The following FAM149A variants were observed in gnomAD, a reference collection of about 807,000 sequenced individuals.
FAM149A encodes family with sequence similarity 149 member A.
A neutral mutation model predicts 78.2 loss-of-function variants in FAM149A; 71 were observed. The ratio of observed to expected loss-of-function variants is 0.91; its 90% CI spans 0.75 to 1.11. The LOEUF is 1.11. FAM149A is among the 50% of genes least tolerant of loss of function. FAM149A has a pLI of 0.00. For missense variants in FAM149A, 1,036 were observed against 971.0 expected, an observed-to-expected ratio of 1.07 and a Z score of -0.89; for synonymous variants, 446 against 410.5, an observed-to-expected ratio of 1.09 and a Z score of -1.04.
chr4:186,157,808 A>C (rs1342282875), intron 8 of FAM149A, 89 bp downstream of exon 8: 29 of 1,563,212 alleles, frequency 1.9e-5, no homozygotes, highest in Non-Finnish European at 2.5e-5. Context: ...CAGTACTGAG[A>C]TATTTGGGGC....
At chr4:186,117,839 C>T (rs1304650043) in intron 1 of FAM149A, 1 of 909,600 alleles carries the variant, frequency 1.1e-6, no homozygotes, top group Non-Finnish European at 1.3e-6. Context: ...GGAATGAACA[C>T]AGTGAAAAGA....
At chr4:186,117,735 G>A in intron 1 of FAM149A, 1 of 898,516 alleles carries the variant, frequency 1.1e-6, no homozygotes, top group Non-Finnish European at 1.3e-6. Flanking sequence ...GTAGAGAAGT[G>A]GCAGGAGCAG....
chr4:186,154,942 C>G (rs999583581), intron 6 of FAM149A: 1 of 984,292 alleles, frequency 1.0e-6, no homozygotes, highest in Non-Finnish European at 1.2e-6. Flanking sequence ...GAGTTCCTGC[C>G]TCTGTACTAA....
chr4:186,138,726 G>A (rs557814679), intron 1 of FAM149A, among the ~76,000 whole-genome samples: 4 of 152,180 alleles, frequency 2.6e-5, no homozygotes, highest in Non-Finnish European at 2.9e-5. Context: ...ATGGGTTTGG[G>A]GGGGAAGGCC....
At chr4:186,107,057 C>T (rs1024830239) in intron 1 of FAM149A, among the ~76,000 whole-genome samples, 2 of 152,206 alleles carry the variant, frequency 1.3e-5, no homozygotes, top group African/African-American at 2.4e-5. Flanking sequence ...ATAGTTTTCC[C>T]TATCAGTTAA....
At position 186,152,539 on chromosome 4, in the gene FAM149A, C is replaced by CTTTTTTTTT. The variant is rs10718602; in HGVS notation, c.932+509_932+517dup. Among the ~76,000 whole-genome samples the CTTTTTTTTT allele has an allele frequency of 1.3e-3, 112 of 88,276 alleles. 1 individual carries two copies. Among genetic ancestry groups the CTTTTTTTTT allele is most frequent in the African/African-American group, 1.4e-3 (29 of 21,018 alleles). The allele number at this position is 88,276 out of a possible 152,430, so 57.9% of individuals were successfully genotyped here. On this transcript the variant is annotated intron_variant, in intron 4 of 13. Transcript: ENST00000389354. Reference sequence around the variant, plus strand: ...AAGGCAAGCTTTTCTTTTCTTTTTGCTTTTTTTTTTTTTTTTTTTTTTTGA... The same window carrying CTTTTTTTTT: ...AAGGCAAGCTTTTCTTTTCTTTTTGCTTTTTTTTTTTTTTTTTTTTTTTTTTTTTTTTGA...
intron 1 of FAM149A, chr4:186,125,231 C>A (rs2126315715): frequency 1.0e-6 from 1 of 983,262 alleles, no homozygotes; most frequent in African/African-American, 1.7e-5. Flanking sequence ...AGTACTTTTT[C>A]TCTAAGTAAT....
rs981206233 is a variant in FAM149A at position 186,105,198 on chromosome 4, G to A, written c.122G>A (p.Gly41Asp). 15 of 1,270,192 alleles carry A rather than the reference G, an allele frequency of 1.2e-5. No homozygotes were observed. In the African/African-American group the frequency reaches 1.3e-4, roughly 11 times the overall value. The allele number at this position is 1,270,192 out of a possible 1,614,324, so 78.7% of individuals were successfully genotyped here. ...GGTGCTGCCGCTGCAGGGTCGGGGG[G>A]CTCCAGGGCGGGCACCCCGTTGGGT... Residue 41 changes from glycine (G) to aspartate (D), a missense_variant, in exon 1 of 14, where the codon GGC becomes GAC. Coordinates refer to ENST00000389354, the MANE Select transcript of FAM149A (RefSeq NM_001367768.3).
chr4:186,160,332 CCA>C lies in FAM149A; in HGVS notation c.1576-2506_1576-2505del, dbSNP rs779638039. Among the ~76,000 whole-genome samples the C allele has an allele frequency of 9.0e-4, 125 of 138,212 alleles. No homozygotes were observed. In the Middle Eastern group the frequency reaches 0.023, roughly 26 times the overall value. The allele number at this position is 138,212 out of a possible 152,430, so 90.7% of individuals were successfully genotyped here. ...AAACACACCACACACCAAACACACA[CCA>C]CACACAAACACACCACACACACAGA... On this transcript the variant is annotated intron_variant, in intron 8 of 13. Transcript: ENST00000389354.
At position 186,149,209 on chromosome 4, in the gene FAM149A, T is replaced by C; in HGVS notation, c.603T>C (p.Phe201=). The C allele has an allele frequency of 1.6e-6, 2 of 1,288,670 alleles. No individual in the cohort carries two copies. Among genetic ancestry groups the C allele is most frequent in the Non-Finnish European group, 2.0e-6 (2 of 987,998 alleles). 79.8% of individuals were successfully genotyped at this position (1,288,670 alleles called of 1,614,324 possible). A position where few individuals can be genotyped will look rare whatever the true frequency, so the allele number is the denominator to read the frequency against. ...CAGAAGGACGTAGAAGGCACGGTTT[T>C]ACTGTGAGGAGCAAAGATTCTTTAC... The change falls in exon 2 of 14, where the codon TTT becomes TTC. Residue 201 remains phenylalanine (F), a synonymous_variant. Transcript: ENST00000389354.
At position 186,149,621 on chromosome 4, in the gene FAM149A, A is replaced by C; in HGVS notation, c.706A>C (p.Thr236Pro). 1 of 1,289,770 alleles carries C rather than the reference A, an allele frequency of 7.8e-7. No homozygotes were observed. The highest frequency in any genetic ancestry group is 1.0e-6 in the Non-Finnish European group (1 of 988,846). The allele number at this position is 1,289,770 out of a possible 1,614,324, so 79.9% of individuals were successfully genotyped here. ...AAGCCATACACCCACGGGAGCCCAC[A>C]CCTCTTGGTCTGGGTCGGCCACACA... The change falls in exon 3 of 14, where the codon ACC becomes CCC. Residue 236 changes from threonine (T) to proline (P), a missense_variant. Around this residue, in one of 3 missense-constraint regions of FAM149A, gnomAD observed 716 missense variants for 711.8 expected, o/e 1.01. Transcript: ENST00000389354.
chr4:186,171,300 T>C (rs1735504656), intron 13 of FAM149A: 1 of 152,250 alleles, frequency 6.6e-6, no homozygotes, highest in South Asian at 2.1e-4. Flanking sequence ...TGAGCTCTTA[T>C]CAGGAACTCT....
chr4:186,117,193 A>G (rs1194837045), intron 1 of FAM149A, among the ~76,000 whole-genome samples: 1 of 152,198 alleles, frequency 6.6e-6, no homozygotes, highest in East Asian at 1.9e-4. Context: ...TCACTATTCT[A>G]AAGATATTCT....
chr4:186,121,095 CTT>C (rs1001770627), intron 1 of FAM149A, among the ~76,000 whole-genome samples: 9 of 151,844 alleles, frequency 5.9e-5, no homozygotes, highest in African/African-American at 2.2e-4. Flanking sequence ...TTTTTCAACT[CTT>C]TTCCAGTTTT....
At chr4:186,158,778 G>A in intron 8 of FAM149A, 6 of 1,029,342 alleles carry the variant, frequency 5.8e-6, no homozygotes, top group Non-Finnish European at 7.0e-6. Context: ...AGCCTGCCAG[G>A]CAAGCCTGTT....
In FAM149A at chr4:186,163,279, G is replaced by C. The variant is rs552400090; in HGVS notation, c.1680-145G>C. 12 of 644,294 alleles carry C rather than the reference G, an allele frequency of 1.9e-5. 1 individual carries two copies. In the Admixed American group the frequency reaches 2.5e-4, roughly 13 times the overall value. 39.9% of individuals were successfully genotyped at this position (644,294 alleles called of 1,614,324 possible). Reference sequence around the variant, plus strand: ...TCATTGAAACAGAAACAGAAATGATGGGTCTTTTCATTCATTCAACCCGTG... The same window carrying C: ...TCATTGAAACAGAAACAGAAATGATCGGTCTTTTCATTCATTCAACCCGTG... On this transcript the variant is annotated intron_variant, in intron 9 of 13. Transcript: ENST00000389354.
At chr4:186,106,915 G>T (rs1395143559) in intron 1 of FAM149A, among the ~76,000 whole-genome samples, 1 of 152,056 alleles carries the variant, frequency 6.6e-6, no homozygotes, top group Non-Finnish European at 1.5e-5. Context: ...GCACCATTGC[G>T]CTCCAACCTG....
chr4:186,108,413 TA>T (rs113979356), intron 1 of FAM149A, among the ~76,000 whole-genome samples: 3,701 of 140,608 alleles, frequency 0.026, 58 homozygotes, highest in African/African-American at 0.031. Context: ...TACTTGGCTT[TA>T]AAAAAAAAAA....
At chr4:186,150,543 C>CTGAGT (rs1287363163) in intron 3 of FAM149A, among the ~76,000 whole-genome samples, 2 of 133,884 alleles carry the variant, frequency 1.5e-5, no homozygotes, top group Non-Finnish European at 3.2e-5. Context: ...CCTCAGCCTC[C>CTGAGT]CGAGTAGCTG....
Sources: allele counts gnomAD v4.1 joint callset (sites outside exome capture counted in the v4.1 genomes callset), GRCh38; gene constraint gnomAD v4.1.1; regional missense constraint gnomAD v4.1.1; transcripts MANE v1.5; gene names NCBI Gene and HGNC (gene_info 2026-07-23, HGNC 2026-07-21).